IPMK: variants seen among roughly 807,000 people sequenced by gnomAD.
The protein encoded by IPMK is inositol polyphosphate multikinase.
Under a neutral mutation model 45.8 loss-of-function variants are expected in IPMK, and 17 were observed. The observed-to-expected ratio is 0.37, with a 90% CI of 0.25 to 0.56. The LOEUF is 0.56. Among genes scored for constraint, IPMK ranks in the 20% least tolerant of loss-of-function variants. IPMK has a pLI of 0.79. For synonymous variants in IPMK, 180 were observed against 184.3 expected, an observed-to-expected ratio of 0.98 and a Z score of 0.19; for missense variants, 399 against 498.0, an observed-to-expected ratio of 0.80 and a Z score of 1.89.
At chr10:58,249,359 T>C (rs989196001) in intron 1 of IPMK, among the ~76,000 whole-genome samples, 1 of 152,318 alleles carries the variant, frequency 6.6e-6, no homozygotes, top group Non-Finnish European at 1.5e-5. Flanking sequence ...GCTGGGATTA[T>C]AAGCATAAGC....
chr10:58,266,634 G>A (rs1055814118), intron 1 of IPMK, among the ~76,000 whole-genome samples: 1 of 152,144 alleles, frequency 6.6e-6, no homozygotes, highest in Non-Finnish European at 1.5e-5. Flanking sequence ...CAGTAATCAT[G>A]GCCCAGGGAA....
intron 2 of IPMK, among the ~76,000 whole-genome samples, chr10:58,229,761 T>C (rs1407998903): frequency 6.6e-6 from 1 of 151,970 alleles, no homozygotes; most frequent in Non-Finnish European, 1.5e-5. Context: ...ACAGCTCTGG[T>C]CTGCAGCTCC....
intron 4 of IPMK, among the ~76,000 whole-genome samples, chr10:58,213,266 C>T (rs1244003657): frequency 2.0e-5 from 3 of 152,096 alleles, no homozygotes; most frequent in African/African-American, 2.4e-5. Context: ...AAAAGCAGAG[C>T]CTGCTGATAA....
At chr10:58,206,384 T>C (rs931847534) in intron 4 of IPMK, among the ~76,000 whole-genome samples, 4 of 152,232 alleles carry the variant, frequency 2.6e-5, no homozygotes, top group African/African-American at 9.6e-5. Context: ...AATGTGGTAA[T>C]AGTTGCCCAA....
chr10:58,198,345 T>A (rs1322775753), intron 5 of IPMK, among the ~76,000 whole-genome samples: 1 of 152,198 alleles, frequency 6.6e-6, no homozygotes, highest in African/African-American at 2.4e-5. Flanking sequence ...TATTTTATCA[T>A]ACTTGGGAAT....
chr10:58,247,248 G>A (rs1464385904), intron 1 of IPMK, among the ~76,000 whole-genome samples: 4 of 149,574 alleles, frequency 2.7e-5, no homozygotes, highest in African/African-American at 5.0e-5. Flanking sequence ...TCAGTGTGGC[G>A]ATTCCTCAGG....
intron 4 of IPMK, chr10:58,213,004 A>T: frequency 6.2e-6 from 1 of 160,704 alleles, no homozygotes; most frequent in Middle Eastern, 9.8e-4. Context: ...CACCTATCTC[A>T]TCATAGCTGA....
intron 4 of IPMK, among the ~76,000 whole-genome samples, chr10:58,201,103 A>C (rs1044422184): frequency 6.6e-6 from 1 of 152,224 alleles, no homozygotes; most frequent in African/African-American, 2.4e-5. Context: ...AGGTTTTGTA[A>C]TAAACATATA....
At chr10:58,197,903 C>G (rs1465381461) in intron 5 of IPMK, among the ~76,000 whole-genome samples, 1 of 151,688 alleles carries the variant, frequency 6.6e-6, no homozygotes, top group African/African-American at 2.4e-5. Flanking sequence ...GTGACGCATG[C>G]CTGTAGTCCC....
intron 4 of IPMK, among the ~76,000 whole-genome samples, chr10:58,202,487 A>C (rs1465246115): frequency 6.6e-6 from 1 of 152,136 alleles, no homozygotes; most frequent in African/African-American, 2.4e-5. Flanking sequence ...CATCATAGTG[A>C]GACCCCGTTT....
intron 1 of IPMK, among the ~76,000 whole-genome samples, chr10:58,255,782 G>A (rs548540823): frequency 3.9e-4 from 59 of 152,168 alleles, no homozygotes; most frequent in African/African-American, 1.2e-3. Flanking sequence ...CAGAGACCCC[G>A]AACGGAGGGA....
chr10:58,261,746 T>C (rs934986908), intron 1 of IPMK, among the ~76,000 whole-genome samples: 1 of 152,130 alleles, frequency 6.6e-6, no homozygotes, highest in Admixed American at 6.5e-5. Context: ...CACATCCGGC[T>C]AATTTTTGCA....
At chr10:58,201,747 C>G (rs1394909186) in intron 4 of IPMK, among the ~76,000 whole-genome samples, 1 of 152,154 alleles carries the variant, frequency 6.6e-6, no homozygotes, top group Admixed American at 6.5e-5. Flanking sequence ...CAAAGACAGG[C>G]CTAAAACTAG....
rs1252588699 is a variant in IPMK, at chr10:58,191,669, C to G, written c.*4407G>C. 6.6e-6 allele frequency: 1 copy of G among 151,248 alleles called. No individual in the cohort carries two copies. The highest frequency in any genetic ancestry group is 2.4e-5 in the African/African-American group (1 of 40,872). 9.4% of individuals were successfully genotyped at this position (151,248 alleles called of 1,614,324 possible). Reference sequence around the variant, plus strand: ...CAATAACCCCTGCAGTCCAAGTATACCCCCACAATAGTACAAATTACAAAC... The same window carrying G: ...CAATAACCCCTGCAGTCCAAGTATAGCCCCACAATAGTACAAATTACAAAC... On this transcript the variant is annotated 3_prime_UTR_variant, in exon 6 of 6. Transcript: ENST00000373935.
At chr10:58,209,509 C>T (rs892093269) in intron 4 of IPMK, among the ~76,000 whole-genome samples, 4 of 152,170 alleles carry the variant, frequency 2.6e-5, no homozygotes, top group African/African-American at 7.2e-5. Context: ...CTGTAGTGAT[C>T]GTTATTGTTC....
rs1232396552 is a variant in IPMK, at chr10:58,195,430, A to G, written c.*646T>C. 1 of 152,124 alleles carries G rather than the reference A, an allele frequency of 6.6e-6. No individual in the cohort carries two copies. Among genetic ancestry groups the G allele is most frequent in the East Asian group, 1.9e-4 (1 of 5,194 alleles). The allele number at this position is 152,124 out of a possible 1,614,324, so 9.4% of individuals were successfully genotyped here. A position where few individuals can be genotyped will look rare whatever the true frequency, so the allele number is the denominator to read the frequency against. On this transcript the variant is annotated 3_prime_UTR_variant, in exon 6 of 6. Transcript: ENST00000373935. ...TTAATTTCAAGACTTTGTTGTTGTC[A>G]TCCACATCAATTGTCTTTTTCATGA...
At chr10:58,256,789 T>A (rs761972213) in intron 1 of IPMK, among the ~76,000 whole-genome samples, 2 of 152,142 alleles carry the variant, frequency 1.3e-5, no homozygotes, top group South Asian at 2.1e-4. Context: ...GGAAAATAGA[T>A]AAGAACCTAT....
In IPMK at chr10:58,259,671, T is replaced by TAAAAAAAAAAAA. The variant is rs560813021; in HGVS notation, c.190+7739_190+7750dup. Among the ~76,000 whole-genome samples the TAAAAAAAAAAAA allele has an allele frequency of 2.5e-3, 218 of 86,562 alleles. 11 individuals are homozygous for TAAAAAAAAAAAA. Among genetic ancestry groups the TAAAAAAAAAAAA allele is most frequent in the African/African-American group, 7.5e-3 (120 of 15,914 alleles). The allele number at this position is 86,562 out of a possible 152,430, so 56.8% of individuals were successfully genotyped here. On this transcript the variant is annotated intron_variant, in intron 1 of 5. Coordinates refer to ENST00000373935, the MANE Select transcript of IPMK (RefSeq NM_152230.5). ...AGCATGGTAAAATCCCATCTCTACA[T>TAAAAAAAAAAAA]AAAAAAAAAAAAAAAACAATTAGCC... is the stretch of plus-strand genomic sequence containing the variant.
chr10:58,258,355 T>G (rs183027552), intron 1 of IPMK, among the ~76,000 whole-genome samples: 8 of 152,176 alleles, frequency 5.3e-5, no homozygotes, highest in African/African-American at 1.9e-4. Context: ...TATATAAAAC[T>G]TGAACAGCAA....
Sources: gnomAD v4.1 joint callset for allele counts (sites outside exome capture counted in the v4.1 genomes callset) on GRCh38, gnomAD v4.1.1 for gene constraint, MANE v1.5 for transcripts, NCBI Gene and HGNC (gene_info 2026-07-23, HGNC 2026-07-21) for gene names.